PIK3CG: variants seen among roughly 807,000 people sequenced by gnomAD.
PIK3CG encodes phosphatidylinositol 4,5-bisphosphate 3-kinase catalytic subunit gamma isoform.
A neutral mutation model predicts 102.3 loss-of-function variants in PIK3CG; 55 were observed. The ratio of observed to expected loss-of-function variants is 0.54; its 90% CI spans 0.43 to 0.67. The LOEUF is 0.67. Among genes scored for constraint, PIK3CG ranks in the 30% least tolerant of loss-of-function variants. The probability of loss-of-function intolerance (pLI) is 0.00; values close to 1 mark genes in which losing one functional copy is unlikely to be tolerated. For missense variants in PIK3CG, 1,258 were observed against 1,391.8 expected, an observed-to-expected ratio of 0.90 and a Z score of 1.53; for synonymous variants, 552 against 540.0, an observed-to-expected ratio of 1.02 and a Z score of -0.31.
chr7:106,908,819 T>A lies in PIK3CG; in HGVS notation c.*3432T>A, dbSNP rs1272945774. On this transcript the variant is annotated 3_prime_UTR_variant, in exon 11 of 11. Transcript: ENST00000496166. The surrounding 1 kb of genome is among the most constrained non-coding windows in gnomAD (Gnocchi z 4.1). ...AGAGCAAATCTGACCTAGCATTTGG[T>A]ATGCTAGGCTCTGCTTTTCATGATT... Among the ~76,000 whole-genome samples, 2 of 152,224 alleles carry A rather than the reference T, an allele frequency of 1.3e-5. No homozygotes were observed. Among genetic ancestry groups the A allele is most frequent in the Non-Finnish European group, 2.9e-5 (2 of 68,030 alleles).
chr7:106,869,417 A>C lies in PIK3CG; in HGVS notation c.1856A>C (p.Gln619Pro), dbSNP rs1174160547. ...TTGGCCAGAAGGGAAGTCTGGGATC[A>C]AAGTGCTTTGGATGTTGGGTTAACA... ...QLLARREVWD[Q>P]SALDVGLTMQ... The change falls in exon 2 of 11, where the codon CAA becomes CCA. Residue 619 changes from glutamine (Q) to proline (P), a missense_variant. By Grantham distance (76) the Gln-to-Pro change is moderately conservative (BLOSUM62 -1). Around this residue, in one of 2 missense-constraint regions of PIK3CG, gnomAD observed 426 missense variants for 604.2 expected, o/e 0.71. Coordinates refer to ENST00000496166, the MANE Select transcript of PIK3CG (RefSeq NM_001282426.2). This position sits in a 1 kb window ranked among gnomAD's most constrained non-coding sequence, Gnocchi z 5.3. 5 of 1,614,262 alleles carry C rather than the reference A, an allele frequency of 3.1e-6. No individual in the cohort carries two copies. In the South Asian group the frequency reaches 5.5e-5, roughly 18 times the overall value.
chr7:106,884,856 T>G lies in PIK3CG; in HGVS notation c.2872+590T>G, dbSNP rs1225504534. On this transcript the variant is annotated intron_variant, in intron 9 of 10. Transcript: ENST00000496166. This position sits in a 1 kb window ranked among gnomAD's most constrained non-coding sequence, Gnocchi z 4.2. The stretch of plus-strand genomic sequence containing the variant: ...CTCTCTGCTAATGTTAATCTGTATT[T>G]ACAGCCACTGCCCAGTGCTAGCATC... Among the ~76,000 whole-genome samples, 1 of 152,186 alleles carries G rather than the reference T, an allele frequency of 6.6e-6. No homozygotes were observed. Among genetic ancestry groups the G allele is most frequent in the Non-Finnish European group, 1.5e-5 (1 of 68,028 alleles).
At position 106,906,795 on chromosome 7, in the gene PIK3CG, G is replaced by A; in HGVS notation, c.*1408G>A. ...ACTTAATTTTTTAATTTTAAAAATAGATACCTGTTTGACTTTGAGGTAGTC... is the reference window on the plus strand; with the variant it reads ...ACTTAATTTTTTAATTTTAAAAATAAATACCTGTTTGACTTTGAGGTAGTC... On this transcript the variant is annotated 3_prime_UTR_variant, in exon 11 of 11. Transcript: ENST00000496166. 4.8e-6 allele frequency: 1 copy of A among 208,550 alleles called. No homozygotes were observed. Among genetic ancestry groups the A allele is most frequent in the Non-Finnish European group, 9.6e-6 (1 of 104,574 alleles). The allele number at this position is 208,550 out of a possible 1,614,324, so 12.9% of individuals were successfully genotyped here. A position where few individuals can be genotyped will look rare whatever the true frequency, so the allele number is the denominator to read the frequency against.
intron 9 of PIK3CG, among the ~76,000 whole-genome samples, chr7:106,885,581 A>G (rs1001988736): frequency 2.0e-5 from 3 of 152,004 alleles, no homozygotes; most frequent in Non-Finnish European, 4.4e-5. Flanking sequence ...GGCTAAACAA[A>G]TAAGATGATG....
rs1374816751 is a variant in PIK3CG, at chr7:106,867,669, G to A, written c.108G>A (p.Glu36=). The change falls in exon 2 of 11, where the codon GAG becomes GAA. Residue 36 remains glutamate (E), a synonymous_variant. Coordinates refer to ENST00000496166, the MANE Select transcript of PIK3CG (RefSeq NM_001282426.2). This position sits in a 1 kb window ranked among gnomAD's most constrained non-coding sequence, Gnocchi z 5.1. ...CTGCGGCCAGCCTGTCCTCCATGGAGCTCATCCCCATCGAGTTCGTGCTGC... is the reference window on the plus strand; with the variant it reads ...CTGCGGCCAGCCTGTCCTCCATGGAACTCATCCCCATCGAGTTCGTGCTGC... ...RSAAASLSSM[E]LIPIEFVLPT... 9.9e-6 allele frequency: 16 copies of A among 1,613,386 alleles called. No homozygotes were observed. Among genetic ancestry groups the A allele is most frequent in the Non-Finnish European group, 1.4e-5 (16 of 1,180,036 alleles).
chr7:106,870,300 A>C (rs965357033), intron 2 of PIK3CG, among the ~76,000 whole-genome samples: 3 of 152,196 alleles, frequency 2.0e-5, no homozygotes, highest in Admixed American at 2.0e-4. Context: ...TGGGGTCCTG[A>C]GAGGACAAGT....
At position 106,867,664 on chromosome 7, in the gene PIK3CG, A is replaced by G. The variant is rs1790343759; in HGVS notation, c.103A>G (p.Met35Val). The change falls in exon 2 of 11, where the codon ATG (methionine) becomes GTG (valine). Residue 35 changes from methionine (M) to valine (V), a missense_variant. By Grantham distance (21) the Met-to-Val change is conservative. Around this residue, in one of 2 missense-constraint regions of PIK3CG, gnomAD observed 832 missense variants for 787.5 expected, o/e 1.06. Coordinates refer to ENST00000496166, the MANE Select transcript of PIK3CG (RefSeq NM_001282426.2). The surrounding 1 kb of genome is among the most constrained non-coding windows in gnomAD (Gnocchi z 5.1). Reference protein sequence around the residue: ...PRSAAASLSSMELIPIEFVLP... With the variant: ...PRSAAASLSSVELIPIEFVLP... ...CAGTGCTGCGGCCAGCCTGTCCTCC[A>G]TGGAGCTCATCCCCATCGAGTTCGT... 1 of 1,613,396 alleles carries G rather than the reference A, an allele frequency of 6.2e-7. No individual in the cohort carries two copies.
In PIK3CG at chr7:106,892,862, G is replaced by C. The variant is rs1425024513; in HGVS notation, c.3030+6570G>C. ...AAGGGAGGGAACATCCAGACAGAAA[G>C]AACAGCACGAGCAAGTGCATGAAGT... is the stretch of plus-strand genomic sequence containing the variant. On this transcript the variant is annotated intron_variant, in intron 10 of 10. Transcript: ENST00000496166. The surrounding 1 kb of genome is among the most constrained non-coding windows in gnomAD (Gnocchi z 5.2). Among the ~76,000 whole-genome samples, 1 of 152,162 alleles carries C rather than the reference G, an allele frequency of 6.6e-6. No individual in the cohort carries two copies. The highest frequency in any genetic ancestry group is 6.5e-5 in the Admixed American group (1 of 15,280).
In PIK3CG at chr7:106,869,102, T is replaced by C. The variant is rs955586944; in HGVS notation, c.1541T>C (p.Met514Thr). Residue 514 changes from methionine to threonine, a missense_variant, in exon 2 of 11, where the codon ATG (methionine) becomes ACG (threonine). This residue lies in a region of PIK3CG where 832 missense variants were observed against 787.5 expected (regional missense o/e 1.06). Coordinates refer to ENST00000496166, the MANE Select transcript of PIK3CG (RefSeq NM_001282426.2). The surrounding 1 kb of genome is among the most constrained non-coding windows in gnomAD (Gnocchi z 5.3). ...SATNPDKENS[M>T]SISILLDNYC... ...ACTAACCCAGACAAGGAGAACTCAA[T>C]GTCCATCTCCATTCTTCTGGACAAT... The C allele has an allele frequency of 1.2e-6, 2 of 1,614,100 alleles. No individual in the cohort carries two copies. Among genetic ancestry groups the C allele is most frequent in the Non-Finnish European group, 1.7e-6 (2 of 1,180,060 alleles).
chr7:106,872,996 T>C lies in PIK3CG; in HGVS notation c.2287+58T>C, dbSNP rs1790591772. The C allele has an allele frequency of 8.3e-7, 1 of 1,206,186 alleles. No homozygotes were observed. The highest frequency in any genetic ancestry group is 1.5e-5 in the African/African-American group (1 of 66,488). 74.7% of individuals were successfully genotyped at this position (1,206,186 alleles called of 1,614,324 possible). A position where few individuals can be genotyped will look rare whatever the true frequency, so the allele number is the denominator to read the frequency against. On this transcript the variant is annotated intron_variant, in intron 4 of 10. Transcript: ENST00000496166. This position sits in a 1 kb window ranked among gnomAD's most constrained non-coding sequence, Gnocchi z 5.3. ...CAAATGCCTTCATCTCCAAATGCCA[T>C]TGTTCCTATAATTCTTTTTCTTCCT...
Position 106,884,048 on chromosome 7 carries a change from C to A in PIK3CG, c.2761-107C>A. On this transcript the variant is annotated intron_variant, in intron 8 of 10. Coordinates refer to ENST00000496166, the MANE Select transcript of PIK3CG (RefSeq NM_001282426.2). The surrounding 1 kb of genome is among the most constrained non-coding windows in gnomAD (Gnocchi z 4.2). Reference sequence around the variant, plus strand: ...AATGAAATCAGGCACAACTAACTTGCTCTCTGAAAATGGTTTCCAGAATAT... The same window carrying A: ...AATGAAATCAGGCACAACTAACTTGATCTCTGAAAATGGTTTCCAGAATAT... 1.2e-6 allele frequency: 1 copy of A among 818,154 alleles called. No individual in the cohort carries two copies. Among genetic ancestry groups the A allele is most frequent in the Non-Finnish European group, 2.0e-6 (1 of 495,626 alleles). The allele number at this position is 818,154 out of a possible 1,614,324, so 50.7% of individuals were successfully genotyped here. A position where few individuals can be genotyped will look rare whatever the true frequency, so the allele number is the denominator to read the frequency against.
In PIK3CG at chr7:106,884,450, T is replaced by C. The variant is rs1437067384; in HGVS notation, c.2872+184T>C. Among the ~76,000 whole-genome samples the C allele has an allele frequency of 6.6e-6, 1 of 152,210 alleles. No individual in the cohort carries two copies. The highest frequency in any genetic ancestry group is 1.9e-4 in the East Asian group (1 of 5,208). ...TTTCCATCTTCCCCAGCTGAAACTCTGTACCCATTAAACACTAACTCCCCA... is the reference window on the plus strand; with the variant it reads ...TTTCCATCTTCCCCAGCTGAAACTCCGTACCCATTAAACACTAACTCCCCA... On this transcript the variant is annotated intron_variant, in intron 9 of 10. Coordinates refer to ENST00000496166, the MANE Select transcript of PIK3CG (RefSeq NM_001282426.2). This position sits in a 1 kb window ranked among gnomAD's most constrained non-coding sequence, Gnocchi z 4.2.
Position 106,877,598 on chromosome 7 carries a change from A to G in PIK3CG, c.2392-1921A>G, listed in dbSNP as rs10248763. ...ATGAATATCCAGATTTTTCAGCACC[A>G]TGTGTTGAAAAGACTGTTTTGTTTT... On this transcript the variant is annotated intron_variant, in intron 5 of 10. Coordinates refer to ENST00000496166, the MANE Select transcript of PIK3CG (RefSeq NM_001282426.2). The surrounding 1 kb of genome is among the most constrained non-coding windows in gnomAD (Gnocchi z 4.5). Among the ~76,000 whole-genome samples the G allele has an allele frequency of 0.012, 1,801 of 150,998 alleles. 22 individuals are homozygous for G. Among genetic ancestry groups the G allele is most frequent in the African/African-American group, 0.041 (1,695 of 41,168 alleles).
intron 10 of PIK3CG, among the ~76,000 whole-genome samples, chr7:106,904,177 AT>A (rs1791631146): frequency 6.6e-6 from 1 of 152,172 alleles, no homozygotes; most frequent in African/African-American, 2.4e-5. Flanking sequence ...GAAGTAATAT[AT>A]TTTTTAAATC....
At chr7:106,889,594 A>G (rs938869040) in intron 10 of PIK3CG, among the ~76,000 whole-genome samples, 2 of 152,228 alleles carry the variant, frequency 1.3e-5, no homozygotes, top group Non-Finnish European at 2.9e-5. Flanking sequence ...TGAATTGATA[A>G]GGTTAACTAA....
chr7:106,897,228 C>G lies in PIK3CG; in HGVS notation c.3031-7881C>G, dbSNP rs1791432047. On this transcript the variant is annotated intron_variant, in intron 10 of 10. Coordinates refer to ENST00000496166, the MANE Select transcript of PIK3CG (RefSeq NM_001282426.2). The surrounding 1 kb of genome is among the most constrained non-coding windows in gnomAD (Gnocchi z 4.6). ...CTTTCAAGTTTCCACAATTTTAAAC[C>G]ATGTTCTAATGAACATCCTTATAGA... 6.6e-6 allele frequency among the ~76,000 whole-genome samples: 1 copy of G among 152,060 alleles called. No individual in the cohort carries two copies. Among genetic ancestry groups the G allele is most frequent in the Admixed American group, 6.6e-5 (1 of 15,256 alleles).
chr7:106,872,998 G>A lies in PIK3CG; in HGVS notation c.2287+60G>A. ...AATGCCTTCATCTCCAAATGCCATTGTTCCTATAATTCTTTTTCTTCCTGG... is the reference window on the plus strand; with the variant it reads ...AATGCCTTCATCTCCAAATGCCATTATTCCTATAATTCTTTTTCTTCCTGG... On this transcript the variant is annotated intron_variant, in intron 4 of 10. Coordinates refer to ENST00000496166, the MANE Select transcript of PIK3CG (RefSeq NM_001282426.2). This position sits in a 1 kb window ranked among gnomAD's most constrained non-coding sequence, Gnocchi z 5.3. The A allele has an allele frequency of 8.4e-7, 1 of 1,196,556 alleles. No homozygotes were observed. The highest frequency in any genetic ancestry group is 1.3e-5 in the South Asian group (1 of 78,906). The allele number at this position is 1,196,556 out of a possible 1,614,324, so 74.1% of individuals were successfully genotyped here. A position where few individuals can be genotyped will look rare whatever the true frequency, so the allele number is the denominator to read the frequency against.
In PIK3CG at chr7:106,867,511, C is replaced by G. The variant is rs2116414548; in HGVS notation, c.-12-39C>G. 6.7e-7 allele frequency: 1 copy of G among 1,500,890 alleles called. No individual in the cohort carries two copies. The allele number at this position is 1,500,890 out of a possible 1,614,324, so 93.0% of individuals were successfully genotyped here. ...CACCAGAAAATATAAGGGGAAAGTG[C>G]CTTTCTTGTGACAAATCCCTGTGTC... On this transcript the variant is annotated intron_variant, in intron 1 of 10. Coordinates refer to ENST00000496166, the MANE Select transcript of PIK3CG (RefSeq NM_001282426.2). This position sits in a 1 kb window ranked among gnomAD's most constrained non-coding sequence, Gnocchi z 5.1.
intron 7 of PIK3CG, chr7:106,882,520 C>A: frequency 4.8e-6 from 1 of 208,492 alleles, no homozygotes; most frequent in Non-Finnish European, 9.4e-6. Flanking sequence ...TCACAAAAAA[C>A]ATTTAAAAAT....
Sources: gnomAD v4.1 joint callset for allele counts (sites outside exome capture counted in the v4.1 genomes callset) on GRCh38, gnomAD v4.1.1 for gene constraint, gnomAD v4.1.1 regional missense constraint, Gnocchi (gnomAD v3.1) non-coding constraint, MANE v1.5 for transcripts, NCBI Gene and HGNC (gene_info 2026-07-23, HGNC 2026-07-21) for gene names.